GNAO1: variants seen among roughly 807,000 people sequenced by gnomAD.
GNAO1 encodes guanine nucleotide-binding protein G(o) subunit alpha.
For missense variants in GNAO1, 166 were observed against 478.7 expected, an observed-to-expected ratio of 0.35 and a Z score of 6.10; for synonymous variants, 164 against 180.7, an observed-to-expected ratio of 0.91 and a Z score of 0.74.
chr16:56,295,675 T>C (rs2037280931), intron 3 of GNAO1, among the ~76,000 whole-genome samples: 1 of 152,330 alleles, frequency 6.6e-6, no homozygotes, highest in Middle Eastern at 3.4e-3. Context: ...CAGCCCTTCC[T>C]CTCGCTGCCC....
chr16:56,320,218 C>T (rs1354719261), intron 3 of GNAO1, among the ~76,000 whole-genome samples: 1 of 152,124 alleles, frequency 6.6e-6, no homozygotes, highest in African/African-American at 2.4e-5. Flanking sequence ...GTCCCATCCT[C>T]CTCCCGTGTG....
At chr16:56,194,717 T>A (rs1327218965) in intron 2 of GNAO1, among the ~76,000 whole-genome samples, 1 of 152,198 alleles carries the variant, frequency 6.6e-6, no homozygotes, top group Non-Finnish European at 1.5e-5. Context: ...GGCCAGAGTC[T>A]GCAAATTAAC....
chr16:56,297,522 G>GGTGTGTGTGTGTGTGT lies in GNAO1; in HGVS notation c.303+21485_303+21500dup, dbSNP rs10545712. Among the ~76,000 whole-genome samples, 9 of 134,406 alleles carry GGTGTGTGTGTGTGTGT rather than the reference G, an allele frequency of 6.7e-5. No homozygotes were observed. The East Asian group carries it at 8.8e-4, about 13-fold the overall frequency. 88.2% of individuals were successfully genotyped at this position (134,406 alleles called of 152,430 possible). On this transcript the variant is annotated intron_variant, in intron 3 of 8. Transcript: ENST00000262493. Reference sequence around the variant, plus strand: ...CACTGCGCACCTGTTTTGTCTAACTGGTGTGTGTGTGTGTGTGTGTGTGTG... The same window carrying GGTGTGTGTGTGTGTGT: ...CACTGCGCACCTGTTTTGTCTAACTGGTGTGTGTGTGTGTGTGTGTGTGTGTGTGTGTGTGTGTGTG...
rs1490211123 is a variant in GNAO1 at position 56,235,423 on chromosome 16, TA to T, written c.162-40507del. 6.6e-6 allele frequency: 3 copies of T among 455,992 alleles called. No individual in the cohort carries two copies. In the Admixed American group the frequency reaches 7.0e-5, roughly 11 times the overall value. 28.2% of individuals were successfully genotyped at this position (455,992 alleles called of 1,614,324 possible). ...GCAGAACTGAAGGCCGGCGGGACAC[TA>T]CGCAGTCCAGGCAAGGGGCTCTGCT... is the stretch of plus-strand genomic sequence containing the variant. On this transcript the variant is annotated intron_variant, in intron 2 of 8. Coordinates refer to ENST00000262493, the MANE Select transcript of GNAO1 (RefSeq NM_020988.3).
intron 3 of GNAO1, chr16:56,301,690 C>T (rs1371409448): frequency 6.6e-6 from 1 of 151,992 alleles, no homozygotes. Flanking sequence ...TTTTATTGTG[C>T]TTCTCTTCCC....
chr16:56,279,204 C>G (rs1216371010), intron 3 of GNAO1, among the ~76,000 whole-genome samples: 2 of 152,148 alleles, frequency 1.3e-5, no homozygotes, highest in Admixed American at 1.3e-4. Flanking sequence ...CAGTGTCAGC[C>G]CCTAGAACAG....
At chr16:56,258,658 GA>G (rs1167000850) in intron 2 of GNAO1, among the ~76,000 whole-genome samples, 4 of 152,268 alleles carry the variant, frequency 2.6e-5, no homozygotes, top group African/African-American at 9.6e-5. Flanking sequence ...GGTGGTGTCA[GA>G]AGCAGGCCTA....
chr16:56,241,073 G>A (rs2036689678), intron 2 of GNAO1, among the ~76,000 whole-genome samples: 1 of 152,222 alleles, frequency 6.6e-6, no homozygotes, highest in African/African-American at 2.4e-5. Context: ...GCTTTTTGGA[G>A]TGGGACCTCG....
chr16:56,210,998 T>C (rs1399310462), intron 2 of GNAO1, among the ~76,000 whole-genome samples: 3 of 152,224 alleles, frequency 2.0e-5, no homozygotes, highest in Non-Finnish European at 4.4e-5. Context: ...ATAATTCTAA[T>C]AGTTAATTTG....
At chr16:56,327,152 T>G (rs1375329635) in intron 3 of GNAO1, among the ~76,000 whole-genome samples, 2 of 152,024 alleles carry the variant, frequency 1.3e-5, no homozygotes, top group Non-Finnish European at 2.9e-5. Flanking sequence ...GCCACTTAGT[T>G]CTGCAGATCA....
chr16:56,217,212 A>G lies in GNAO1; in HGVS notation c.161+24596A>G, dbSNP rs543385569. Among the ~76,000 whole-genome samples, 8 of 152,330 alleles carry G rather than the reference A, an allele frequency of 5.3e-5. No individual in the cohort carries two copies. In the South Asian group the frequency reaches 1.7e-3, roughly 32 times the overall value. ...CCTAATAAATAAAGGTCCCTGTGAC[A>G]TGTTCTTGCCTTCAGAGTTTTGCTG... On this transcript the variant is annotated intron_variant, in intron 2 of 8. Transcript: ENST00000262493.
intron 2 of GNAO1, among the ~76,000 whole-genome samples, chr16:56,234,823 A>C (rs1343087950): frequency 3.3e-5 from 5 of 151,984 alleles, no homozygotes; most frequent in Non-Finnish European, 7.4e-5. Flanking sequence ...CTAGCCTTAA[A>C]AATTGAGGAA....
At chr16:56,340,114 A>G (rs1297862869) in intron 6 of GNAO1, among the ~76,000 whole-genome samples, 2 of 151,800 alleles carry the variant, frequency 1.3e-5, no homozygotes, top group African/African-American at 4.8e-5. Context: ...ATTTTTCAGT[A>G]TTTTTCTCTC....
At chr16:56,233,634 G>A (rs2036611408) in intron 2 of GNAO1, among the ~76,000 whole-genome samples, 2 of 152,218 alleles carry the variant, frequency 1.3e-5, no homozygotes, top group African/African-American at 2.4e-5. Context: ...ATCCAAGCTT[G>A]TGGATTTCTA....
chr16:56,228,769 G>C (rs2036559086), intron 2 of GNAO1, among the ~76,000 whole-genome samples: 2 of 152,178 alleles, frequency 1.3e-5, no homozygotes, highest in Admixed American at 6.5e-5. Context: ...CTTCTGTCAG[G>C]TCTGCATGAA....
In GNAO1 at chr16:56,294,341, T is replaced by TAGAAA. The variant is rs1555505146; in HGVS notation, c.303+18270_303+18271insGAAAA. Among the ~76,000 whole-genome samples the TAGAAA allele has an allele frequency of 4.1e-4, 55 of 133,628 alleles. 1 individual carries two copies. In the South Asian group the frequency reaches 0.011, roughly 26 times the overall value. The allele number at this position is 133,628 out of a possible 152,430, so 87.7% of individuals were successfully genotyped here. On this transcript the variant is annotated intron_variant, in intron 3 of 8. Transcript: ENST00000262493. ...CCAACCACAGCAGAAGGCTTTGCTTTAAAAAAAAAAAAAAAAAAAAGTGGA... is the reference window on the plus strand; with the variant it reads ...CCAACCACAGCAGAAGGCTTTGCTTTAGAAAAAAAAAAAAAAAAAAAAAAAGTGGA...
chr16:56,210,136 A>G, intron 2 of GNAO1, among the ~76,000 whole-genome samples: 1 of 152,190 alleles, frequency 6.6e-6, no homozygotes, highest in East Asian at 1.9e-4. Context: ...CATAGTTGGA[A>G]TCATACAGTT....
At chr16:56,233,571 G>A (rs1423206875) in intron 2 of GNAO1, among the ~76,000 whole-genome samples, 1 of 152,210 alleles carries the variant, frequency 6.6e-6, no homozygotes, top group Non-Finnish European at 1.5e-5. Flanking sequence ...AGCAGAGCGT[G>A]AGGTGATTTC....
At chr16:56,291,637 C>T (rs1472911495) in intron 3 of GNAO1, among the ~76,000 whole-genome samples, 2 of 152,184 alleles carry the variant, frequency 1.3e-5, no homozygotes, top group Non-Finnish European at 2.9e-5. Flanking sequence ...CCTCACTCCC[C>T]CAGACCTACT....
Sources: allele counts gnomAD v4.1 joint callset (sites outside exome capture counted in the v4.1 genomes callset), GRCh38; gene constraint gnomAD v4.1.1; transcripts MANE v1.5; gene names NCBI Gene and HGNC (gene_info 2026-07-23, HGNC 2026-07-21).